IFT52: variants seen among roughly 807,000 people sequenced by gnomAD.
The protein encoded by IFT52 is intraflagellar transport 52, also known as intraflagellar transport protein 52 homolog.
Under a neutral mutation model 54.4 loss-of-function variants are expected in IFT52, and 44 were observed. That is an observed-to-expected ratio of 0.81 (90% CI 0.63 to 1.04). The LOEUF is 1.04. IFT52 is among the 50% of genes least tolerant of loss of function. The pLI is 0.00. For synonymous variants in IFT52, 181 were observed against 185.3 expected (o/e 0.98, Z 0.19); for missense variants, 452 against 523.6 (o/e 0.86, Z 1.33).
chr20:43,614,223 A>AG (rs1983681043), intron 7 of IFT52, among the ~76,000 whole-genome samples: 1 of 151,838 alleles, frequency 6.6e-6, no homozygotes. Context: ...CTGTAGCATG[A>AG]GGCTACCTGT....
chr20:43,620,179 A>G (rs2145633824), intron 8 of IFT52, among the ~76,000 whole-genome samples: 1 of 151,990 alleles, frequency 6.6e-6, no homozygotes, highest in East Asian at 1.9e-4. Context: ...AGCCTCCCAA[A>G]GTGCTGGGAT....
intron 10 of IFT52, among the ~76,000 whole-genome samples, chr20:43,629,403 G>T (rs1009402223): frequency 5.9e-5 from 9 of 152,104 alleles, no homozygotes; most frequent in African/African-American, 2.2e-4. Context: ...CTCCCCAGTA[G>T]CTGGGACAAC....
chr20:43,595,944 C>T (rs1981923095), intron 2 of IFT52, among the ~76,000 whole-genome samples: 1 of 152,060 alleles, frequency 6.6e-6, no homozygotes, highest in Admixed American at 6.6e-5. Context: ...ATTATTAAAG[C>T]AGCATATTAT....
At position 43,590,974 on chromosome 20, in the gene IFT52, T is replaced by A. The variant is rs978485633; in HGVS notation, c.-87T>A. 6.6e-6 allele frequency: 1 copy of A among 152,228 alleles called. No homozygotes were observed. Among genetic ancestry groups the A allele is most frequent in the African/African-American group, 2.4e-5 (1 of 41,458 alleles). 9.4% of individuals were successfully genotyped at this position (152,228 alleles called of 1,614,324 possible). On this transcript the variant is annotated 5_prime_UTR_variant, in exon 1 of 14. Coordinates refer to ENST00000373030, the MANE Select transcript of IFT52 (RefSeq NM_016004.5). Reference sequence around the variant, plus strand: ...ACGCCTCCCGGCGCACCGACGCGCCTCTCCGGTTACTAAGCGGCCTTGGAT... The same window carrying A: ...ACGCCTCCCGGCGCACCGACGCGCCACTCCGGTTACTAAGCGGCCTTGGAT...
In IFT52 at chr20:43,642,535, A is replaced by T. The variant is rs770209174; in HGVS notation, c.1177A>T (p.Thr393Ser). The T allele has an allele frequency of 6.2e-7, 1 of 1,613,976 alleles. No individual in the cohort carries two copies. The highest frequency in any genetic ancestry group is 2.2e-5 in the East Asian group (1 of 44,890). ...VRKCGDILGVTSKLPKDQQDA... is the reference protein window; with the variant it reads ...VRKCGDILGVSSKLPKDQQDA... ...GAAGTGTGGTGATATTCTTGGAGTA[A>T]CCAGTAAACTACCAAAGGACCAACA... Residue 393 changes from threonine to serine, a missense_variant, in exon 13 of 14, where the codon ACC (threonine) becomes TCC (serine). Coordinates refer to ENST00000373030, the MANE Select transcript of IFT52 (RefSeq NM_016004.5).
intron 7 of IFT52, among the ~76,000 whole-genome samples, chr20:43,614,798 CCTTT>C (rs1390632970): frequency 5.9e-5 from 9 of 151,262 alleles, no homozygotes; most frequent in Non-Finnish European, 1.0e-4. Flanking sequence ...CATCCCACTG[CCTTT>C]CTTTTTCTTT....
chr20:43,628,897 G>C (rs1478772879), intron 10 of IFT52, among the ~76,000 whole-genome samples: 1 of 151,954 alleles, frequency 6.6e-6, no homozygotes, highest in African/African-American at 2.4e-5. Flanking sequence ...ATTTAGGAGA[G>C]AAGGCATATA....
chr20:43,633,635 G>A (rs1985329257), intron 10 of IFT52, among the ~76,000 whole-genome samples: 1 of 152,012 alleles, frequency 6.6e-6, no homozygotes, highest in African/African-American at 2.4e-5. Flanking sequence ...TTGAACCCGG[G>A]AGGCAGAGGT....
intron 10 of IFT52, among the ~76,000 whole-genome samples, chr20:43,624,885 T>G (rs1198059855): frequency 6.6e-6 from 1 of 152,098 alleles, no homozygotes; most frequent in African/African-American, 2.4e-5. Flanking sequence ...CTTATCAACC[T>G]GGAATCCTCA....
intron 11 of IFT52, among the ~76,000 whole-genome samples, chr20:43,636,256 A>T (rs372993251): frequency 6.6e-6 from 1 of 152,322 alleles, no homozygotes; most frequent in Non-Finnish European, 1.5e-5. Flanking sequence ...AACATTTCCT[A>T]TTCTCATCTT....
chr20:43,628,711 C>T (rs1984932606), intron 10 of IFT52, among the ~76,000 whole-genome samples: 1 of 152,046 alleles, frequency 6.6e-6, no homozygotes, highest in Non-Finnish European at 1.5e-5. Context: ...ATCAGCCGAG[C>T]TTGGTGGTGC....
At chr20:43,637,027 A>G (rs1985582773) in intron 11 of IFT52, 118 bp from the exon 12 acceptor site, 1 of 662,336 alleles carries the variant, frequency 1.5e-6, no homozygotes, top group Non-Finnish European at 2.6e-6. Context: ...GAACTTCCTT[A>G]TTCTCCTTGT....
At chr20:43,597,460 G>A (rs543598660) in intron 3 of IFT52, among the ~76,000 whole-genome samples, 73 of 152,228 alleles carry the variant, frequency 4.8e-4, no homozygotes, top group African/African-American at 1.7e-3. Flanking sequence ...AATGATAAAT[G>A]TAAGGCCCAG....
At chr20:43,594,591 A>G in intron 1 of IFT52, 102 bp from the exon 2 acceptor site, 1 of 682,554 alleles carries the variant, frequency 1.5e-6, no homozygotes, top group South Asian at 1.8e-5. Flanking sequence ...TCAGTTGTAT[A>G]CCCTTTCTTG....
rs1374637966 is a variant in IFT52, at chr20:43,618,898, A to G, written c.613-42A>G. ...CTGGGTACTAGGATACATGAGATGC[A>G]CTTTCGGATTTGAGTATCTGACCCT... On this transcript the variant is annotated intron_variant, in intron 7 of 13. Transcript: ENST00000373030. 3 of 1,295,770 alleles carry G rather than the reference A, an allele frequency of 2.3e-6. No individual in the cohort carries two copies. The African/African-American group carries it at 4.4e-5, about 19-fold the overall frequency. The allele number at this position is 1,295,770 out of a possible 1,614,324, so 80.3% of individuals were successfully genotyped here. A position where few individuals can be genotyped will look rare whatever the true frequency, so the allele number is the denominator to read the frequency against.
At chr20:43,629,722 G>C (rs1985028366) in intron 10 of IFT52, among the ~76,000 whole-genome samples, 1 of 152,182 alleles carries the variant, frequency 6.6e-6, no homozygotes, top group Non-Finnish European at 1.5e-5. Flanking sequence ...TTTGCTCTAA[G>C]TTAAACAGCT....
chr20:43,607,329 C>A (rs1222905627), intron 6 of IFT52, among the ~76,000 whole-genome samples: 1 of 151,558 alleles, frequency 6.6e-6, no homozygotes, highest in Non-Finnish European at 1.5e-5. Context: ...ACCTCCCTCC[C>A]GGACTGGGTG....
At chr20:43,597,981 T>C (rs1982126761) in intron 3 of IFT52, among the ~76,000 whole-genome samples, 2 of 150,772 alleles carry the variant, frequency 1.3e-5, no homozygotes, top group African/African-American at 2.4e-5. Flanking sequence ...ATCTCAGAGA[T>C]AGTTGCACAC....
intron 10 of IFT52, among the ~76,000 whole-genome samples, chr20:43,633,918 C>T (rs1387186450): frequency 6.6e-6 from 1 of 151,978 alleles, no homozygotes; most frequent in Non-Finnish European, 1.5e-5. Flanking sequence ...AATCCCATCA[C>T]TTTGGGAAGC....
Sources: allele counts gnomAD v4.1 joint callset (sites outside exome capture counted in the v4.1 genomes callset), GRCh38; gene constraint gnomAD v4.1.1; transcripts MANE v1.5; gene names NCBI Gene and HGNC (gene_info 2026-07-23, HGNC 2026-07-21).